Variants in BORA observed in about 807,000 individuals in gnomAD.
The protein encoded by BORA is BORA aurora kinase A activator, also known as protein aurora borealis.
A neutral mutation model predicts 55.8 loss-of-function variants in BORA; 26 were observed. The ratio of observed to expected loss-of-function variants is 0.47; its 90% confidence interval spans 0.34 to 0.65. BORA has a LOEUF of 0.65. Among genes scored for constraint, BORA ranks in the 30% least tolerant of loss-of-function variants. The probability of loss-of-function intolerance (pLI) is 0.01; values close to 1 mark genes in which losing one functional copy is unlikely to be tolerated. For synonymous variants in BORA, 201 were observed against 216.9 expected (o/e 0.93, Z 0.64); for missense variants, 568 against 671.5 (o/e 0.85, Z 1.70).
In BORA at chr13:72,743,540, C is replaced by G. The variant is rs767071157; in HGVS notation, c.392C>G (p.Thr131Ser). The G allele has an allele frequency of 4.4e-6, 7 of 1,606,666 alleles. No individual in the cohort carries two copies. The South Asian group carries it at 6.7e-5, about 15-fold the overall frequency. Residue 131 changes from threonine (T) to serine (S), a missense_variant, in exon 6 of 12, where the codon ACT (threonine) becomes AGT (serine). Transcript: ENST00000390667. ...QLSQCHSSKC[T>S]NINSDSPVGK... ...TTTCACTTAAAATGTCTTACAGGCA[C>G]TAACATAAATAGTGACTCTCCAGTT...
Position 72,755,722 on chromosome 13 carries a change from T to C in BORA, c.*506T>C. The C allele has an allele frequency of 2.5e-6, 1 of 397,550 alleles. No homozygotes were observed. Among genetic ancestry groups the C allele is most frequent in the Non-Finnish European group, 4.4e-6 (1 of 225,944 alleles). The allele number at this position is 397,550 out of a possible 1,614,324, so 24.6% of individuals were successfully genotyped here. A position where few individuals can be genotyped will look rare whatever the true frequency, so the allele number is the denominator to read the frequency against. ...AACAGGTTTCCTGAAATTTTAGTTC[T>C]TGGTCTGTTCACCTCTGTGGGGAAA... On this transcript the variant is annotated 3_prime_UTR_variant, in exon 12 of 12. Transcript: ENST00000390667.
intron 4 of BORA, among the ~76,000 whole-genome samples, chr13:72,736,393 T>G (rs180992593): frequency 6.9e-4 from 105 of 152,282 alleles, no homozygotes; most frequent in African/African-American, 2.3e-3. Context: ...ACATTTCTTA[T>G]GTGTACTTTC....
chr13:72,728,110 G>C, intron 1 of BORA, 103 bp downstream of exon 1: 1 of 1,468,170 alleles, frequency 6.8e-7, no homozygotes. Flanking sequence ...TGGTGAATGG[G>C]AGCAGTCAGG....
chr13:72,753,759 T>A lies in BORA; in HGVS notation c.1552T>A (p.Cys518Ser). The A allele has an allele frequency of 6.2e-7, 1 of 1,613,568 alleles. No individual in the cohort carries two copies. The highest frequency in any genetic ancestry group is 8.5e-7 in the Non-Finnish European group (1 of 1,179,632). The stretch of plus-strand genomic sequence containing the variant: ...GGATACAGTTGGGGCAGAAAGTTAC[T>A]GCAAAGAAAGTGATGCACAAACATG... ...IMDTVGAESY[C>S]KESDAQTCEV... Residue 518 changes from cysteine to serine, a missense_variant, in exon 11 of 12, where the codon TGC becomes AGC. Transcript: ENST00000390667.
Position 72,747,111 on chromosome 13 carries a change from G to T in BORA, c.1482G>T (p.Gln494His). ...TTCCTTGTGAAAGCAGTAACATTCA[G>T]GTAAGGTATTTAATATTCTATAGCC... ...SVIPCESSNI[Q>H]MDSGYNTQNC... Residue 494 changes from glutamine (Q) to histidine (H), a missense_variant and splice_region_variant, in exon 10 of 12, where the codon CAG becomes CAT. By Grantham distance (24) the Gln-to-His change is conservative. Transcript: ENST00000390667. 1 of 1,612,530 alleles carries T rather than the reference G, an allele frequency of 6.2e-7. No individual in the cohort carries two copies. The highest frequency in any genetic ancestry group is 2.2e-5 in the East Asian group (1 of 44,874).
intron 4 of BORA, among the ~76,000 whole-genome samples, chr13:72,736,976 C>A (rs2032943309): frequency 1.4e-5 from 2 of 145,150 alleles, no homozygotes; most frequent in South Asian, 2.1e-4. Flanking sequence ...CTGCCCCAGT[C>A]CACCTTTAAA....
chr13:72,730,053 C>G (rs2032779180), intron 2 of BORA, among the ~76,000 whole-genome samples: 1 of 151,960 alleles, frequency 6.6e-6, no homozygotes, highest in Non-Finnish European at 1.5e-5. Context: ...CTTCAGCCTC[C>G]CAAAGTGCTG....
intron 7 of BORA, 74 bp from the exon 8 acceptor site, chr13:72,744,907 A>G: frequency 7.1e-7 from 1 of 1,407,796 alleles, no homozygotes; most frequent in Non-Finnish European, 9.8e-7. Context: ...CTGGCTTCTT[A>G]AAAGTTGAGT....
Position 72,748,334 on chromosome 13 carries a change from A to G in BORA, c.1482+1223A>G, listed in dbSNP as rs187885510. ...CTGGCTTTAGAGTCCATGTTCTTTA[A>G]TCCAAAAGTTAATACTGACTTATAA... On this transcript the variant is annotated intron_variant, in intron 10 of 11. Transcript: ENST00000390667. 5.6e-4 allele frequency among the ~76,000 whole-genome samples: 85 copies of G among 152,314 alleles called. 1 individual carries two copies. Among genetic ancestry groups the G allele is most frequent in the Non-Finnish European group, 4.9e-4 (33 of 68,024 alleles).
chr13:72,750,574 C>T (rs1475881472), intron 10 of BORA, among the ~76,000 whole-genome samples: 1 of 152,050 alleles, frequency 6.6e-6, no homozygotes, highest in Non-Finnish European at 1.5e-5. Context: ...CTCCCACATG[C>T]TTAGTGTTCC....
In BORA at chr13:72,747,508, AT is replaced by A. The variant is rs2033174869; in HGVS notation, c.1482+400del. On this transcript the variant is annotated intron_variant, in intron 10 of 11. Transcript: ENST00000390667. ...ATCATTTTTGTTTTTCCTTTATGTG[AT>A]TTAGGGGGGATAAAAAGAGTTTAGA... Among the ~76,000 whole-genome samples the A allele has an allele frequency of 2.6e-5, 4 of 151,656 alleles. No homozygotes were observed. In the South Asian group the frequency reaches 8.3e-4, roughly 32 times the overall value.
intron 10 of BORA, among the ~76,000 whole-genome samples, chr13:72,749,149 GTC>G (rs1566228483): frequency 6.6e-6 from 1 of 152,142 alleles, no homozygotes; most frequent in Non-Finnish European, 1.5e-5. Context: ...TCATGTGTCC[GTC>G]TCTCACATTT....
Position 72,755,357 on chromosome 13 carries a change from G to A in BORA, c.*141G>A. 1 of 633,408 alleles carries A rather than the reference G, an allele frequency of 1.6e-6. No homozygotes were observed. Among genetic ancestry groups the A allele is most frequent in the Non-Finnish European group, 2.7e-6 (1 of 373,342 alleles). 39.2% of individuals were successfully genotyped at this position (633,408 alleles called of 1,614,324 possible). A position where few individuals can be genotyped will look rare whatever the true frequency, so the allele number is the denominator to read the frequency against. ...TCCCTCCTTAATGTGAAAAATCAAGGGCTTACTGACATAGGAACAACAGAA... is the reference window on the plus strand; with the variant it reads ...TCCCTCCTTAATGTGAAAAATCAAGAGCTTACTGACATAGGAACAACAGAA... On this transcript the variant is annotated 3_prime_UTR_variant, in exon 12 of 12. Transcript: ENST00000390667.
intron 5 of BORA, among the ~76,000 whole-genome samples, chr13:72,738,327 T>C (rs1046993999): frequency 3.1e-4 from 47 of 152,162 alleles, no homozygotes; most frequent in Middle Eastern, 3.2e-3. Context: ...ATAGTTGGTA[T>C]TGAATATAGA....
chr13:72,753,899 AC>A (rs757649126), intron 11 of BORA, 78 bp downstream of exon 11: 552 of 1,328,780 alleles, frequency 4.2e-4, no homozygotes, highest in Admixed American at 1.1e-3. Context: ...AGACAATAGT[AC>A]TATTGAGAAA....
chr13:72,755,096 A>C, intron 11 of BORA, 55 bp from the exon 12 acceptor site: 2 of 1,470,324 alleles, frequency 1.4e-6, no homozygotes, highest in Non-Finnish European at 1.9e-6. Context: ...CGATAATTGC[A>C]TCCTCCAGTG....
At chr13:72,749,789 T>C (rs963615673) in intron 10 of BORA, among the ~76,000 whole-genome samples, 2 of 152,172 alleles carry the variant, frequency 1.3e-5, no homozygotes, top group Non-Finnish European at 2.9e-5. Flanking sequence ...TATCCCATTT[T>C]ACTTAGTTAA....
intron 6 of BORA, 115 bp from the exon 7 acceptor site, chr13:72,744,390 G>A: frequency 1.2e-6 from 1 of 851,176 alleles, no homozygotes; most frequent in East Asian, 2.6e-5. Flanking sequence ...AATTCCATTT[G>A]GCTGGAACAT....
chr13:72,745,878 A>T, intron 8 of BORA, 66 bp from the exon 9 acceptor site: 1 of 1,369,700 alleles, frequency 7.3e-7, no homozygotes. Context: ...CATGATAAAT[A>T]GCATGCAGCA....
Sources: allele counts gnomAD v4.1 joint callset (sites outside exome capture counted in the v4.1 genomes callset), GRCh38; gene constraint gnomAD v4.1.1; transcripts MANE v1.5; gene names NCBI Gene and HGNC (gene_info 2026-07-23, HGNC 2026-07-21).